The following CAMK4 variants were observed in gnomAD, a reference collection of about 807,000 sequenced individuals.
The protein encoded by CAMK4 is calcium/calmodulin-dependent protein kinase type IV.
Under a neutral mutation model 44.9 loss-of-function variants are expected in CAMK4, and 22 were observed. That is an observed-to-expected ratio of 0.49 (90% CI 0.35 to 0.70). The LOEUF (loss-of-function observed/expected upper bound fraction) is 0.70, where lower values mean the gene tolerates loss of function less well. Ranked by LOEUF, CAMK4 falls within the 30% of genes least tolerant of loss-of-function variation. The pLI, the probability that CAMK4 is intolerant of heterozygous loss-of-function variation, is 0.01. For missense variants in CAMK4, 498 were observed against 586.8 expected, an observed-to-expected ratio of 0.85 and a Z score of 1.56; for synonymous variants, 218 against 215.4, an observed-to-expected ratio of 1.01 and a Z score of -0.11.
intron 8 of CAMK4, among the ~76,000 whole-genome samples, chr5:111,474,971 G>C (rs1217331348): frequency 6.6e-6 from 1 of 152,158 alleles, no homozygotes; most frequent in Non-Finnish European, 1.5e-5. Context: ...AGACCATCCT[G>C]GCTAACGTGG....
chr5:111,247,832 T>C (rs899753150), intron 1 of CAMK4, among the ~76,000 whole-genome samples: 5 of 152,224 alleles, frequency 3.3e-5, no homozygotes, highest in African/African-American at 1.2e-4. Flanking sequence ...AATGTGCTAC[T>C]ATAGTTTAGA....
At position 111,344,039 on chromosome 5, in the gene CAMK4, T is replaced by G; in HGVS notation, c.177T>G (p.Ile59Met). 1 of 1,602,528 alleles carries G rather than the reference T, an allele frequency of 6.2e-7. No homozygotes were observed. The highest frequency in any genetic ancestry group is 1.1e-5 in the South Asian group (1 of 90,664). The change falls in exon 2 of 11, where the codon ATT (isoleucine) becomes ATG (methionine). Residue 59 changes from isoleucine to methionine, a missense_variant. Physicochemically the swap from Ile to Met is conservative, Grantham distance 10. Transcript: ENST00000282356. ...ESELGRGATS[I>M]VYRCKQKGTQ... ...CCCCCTCAAGGGGTGCTACATCCAT[T>G]GTGTACAGATGCAAACAGAAGGGGA...
chr5:111,292,044 A>T (rs530584828), intron 1 of CAMK4, among the ~76,000 whole-genome samples: 1 of 152,190 alleles, frequency 6.6e-6, no homozygotes, highest in South Asian at 2.1e-4. Context: ...TCCTGCACCA[A>T]AATCAGTGGT....
At chr5:111,404,688 G>A (rs761035960) in intron 5 of CAMK4, among the ~76,000 whole-genome samples, 1 of 152,248 alleles carries the variant, frequency 6.6e-6, no homozygotes, top group Non-Finnish European at 1.5e-5. Flanking sequence ...CAGTTGTTGT[G>A]TCTAAACTGC....
In CAMK4 at chr5:111,461,813, TAAAAAAA is replaced by T. The variant is rs3066731; in HGVS notation, c.626-11481_626-11475del. On this transcript the variant is annotated intron_variant, in intron 7 of 10. Coordinates refer to ENST00000282356, the MANE Select transcript of CAMK4 (RefSeq NM_001744.6). The stretch of plus-strand genomic sequence containing the variant: ...CTGAATTCAAAACAAGCCTCTATAG[TAAAAAAA>T]AAAAAAAAAAAAAAAATCCCAGCAT... Among the ~76,000 whole-genome samples the T allele has an allele frequency of 8.0e-3, 551 of 69,170 alleles. 2 individuals are homozygous for T. Among genetic ancestry groups the T allele is most frequent in the Middle Eastern group, 0.059 (6 of 102 alleles). 45.4% of individuals were successfully genotyped at this position (69,170 alleles called of 152,430 possible). A position where few individuals can be genotyped will look rare whatever the true frequency, so the allele number is the denominator to read the frequency against.
intron 5 of CAMK4, among the ~76,000 whole-genome samples, chr5:111,426,077 AT>A (rs1580736595): frequency 6.9e-6 from 1 of 145,498 alleles, no homozygotes; most frequent in East Asian, 2.1e-4. Context: ...AGCCATAACA[AT>A]TTTTTTAAGT....
intron 5 of CAMK4, among the ~76,000 whole-genome samples, chr5:111,429,155 G>T (rs1046856585): frequency 6.6e-6 from 1 of 151,596 alleles, no homozygotes; most frequent in Non-Finnish European, 1.5e-5. Context: ...AGAAACAAAT[G>T]AAATTAAAGT....
chr5:111,468,196 T>TA (rs2112478705), intron 7 of CAMK4, among the ~76,000 whole-genome samples: 1 of 152,110 alleles, frequency 6.6e-6, no homozygotes, highest in South Asian at 2.1e-4. Context: ...GGGTGAGGGA[T>TA]AAAAAACTAC....
At chr5:111,239,604 C>A (rs919308306) in intron 1 of CAMK4, among the ~76,000 whole-genome samples, 1 of 152,180 alleles carries the variant, frequency 6.6e-6, no homozygotes, top group Non-Finnish European at 1.5e-5. Flanking sequence ...AGTTCGGCCA[C>A]TCATGAAGTG....
At chr5:111,457,241 T>C (rs1754448156) in intron 7 of CAMK4, among the ~76,000 whole-genome samples, 1 of 152,172 alleles carries the variant, frequency 6.6e-6, no homozygotes, top group East Asian at 1.9e-4. Context: ...AAATAAACAA[T>C]AATCTTCTCT....
At chr5:111,396,211 T>G (rs555510257) in intron 5 of CAMK4, among the ~76,000 whole-genome samples, 1 of 152,316 alleles carries the variant, frequency 6.6e-6, no homozygotes, top group East Asian at 1.9e-4. Context: ...TTTAATTGGC[T>G]TTATAGCCCA....
At chr5:111,414,980 A>G (rs1752766914) in intron 5 of CAMK4, among the ~76,000 whole-genome samples, 1 of 152,200 alleles carries the variant, frequency 6.6e-6, no homozygotes, top group Non-Finnish European at 1.5e-5. Flanking sequence ...CAATAAAGTA[A>G]TTGTAAAATT....
intron 2 of CAMK4, among the ~76,000 whole-genome samples, chr5:111,349,226 G>A (rs1398509531): frequency 1.3e-5 from 2 of 151,912 alleles, no homozygotes; most frequent in Non-Finnish European, 2.9e-5. Context: ...CCCCATGCAT[G>A]CTACATTATC....
At chr5:111,265,697 A>T (rs1424900996) in intron 1 of CAMK4, 1 of 152,232 alleles carries the variant, frequency 6.6e-6, no homozygotes, top group Non-Finnish European at 1.5e-5. Context: ...ATTCTGGTAA[A>T]CATGAAATAA....
intron 5 of CAMK4, among the ~76,000 whole-genome samples, chr5:111,403,551 A>G (rs1324647935): frequency 6.6e-6 from 1 of 152,228 alleles, no homozygotes; most frequent in Non-Finnish European, 1.5e-5. Flanking sequence ...TTTAATTCAT[A>G]TTAAGAATTG....
rs1056463712 is a variant in CAMK4, at chr5:111,487,019, C to T, written c.*2553C>T. 6.6e-6 allele frequency: 1 copy of T among 152,178 alleles called. No homozygotes were observed. Among genetic ancestry groups the T allele is most frequent in the African/African-American group, 2.4e-5 (1 of 41,456 alleles). 9.4% of individuals were successfully genotyped at this position (152,178 alleles called of 1,614,324 possible). A position where few individuals can be genotyped will look rare whatever the true frequency, so the allele number is the denominator to read the frequency against. On this transcript the variant is annotated 3_prime_UTR_variant, in exon 11 of 11. Coordinates refer to ENST00000282356, the MANE Select transcript of CAMK4 (RefSeq NM_001744.6). ...ATTATTCAAAGATTTCATATACATA[C>T]ATCCTAAGTTAGGATAATTATGTTA...
intron 5 of CAMK4, among the ~76,000 whole-genome samples, chr5:111,434,098 A>G (rs952448913): frequency 6.6e-6 from 1 of 152,094 alleles, no homozygotes; most frequent in African/African-American, 2.4e-5. Context: ...GATTTAGACC[A>G]TTCTGGCCAA....
intron 1 of CAMK4, among the ~76,000 whole-genome samples, chr5:111,297,864 T>C (rs1044319209): frequency 7.9e-5 from 12 of 152,214 alleles, no homozygotes; most frequent in Non-Finnish European, 1.8e-4. Context: ...CTTTTACCTG[T>C]AGTTGTGTTA....
chr5:111,309,492 T>G (rs551348533), intron 1 of CAMK4, among the ~76,000 whole-genome samples: 1 of 152,152 alleles, frequency 6.6e-6, no homozygotes, highest in Non-Finnish European at 1.5e-5. Context: ...ACCATCCCCA[T>G]AAGGTCTCAC....
Sources: allele counts gnomAD v4.1 joint callset (sites outside exome capture counted in the v4.1 genomes callset), GRCh38; gene constraint gnomAD v4.1.1; transcripts MANE v1.5; gene names NCBI Gene and HGNC (gene_info 2026-07-23, HGNC 2026-07-21).